SRBD1: variants seen among roughly 807,000 people sequenced by gnomAD.
SRBD1 encodes the protein S1 RNA binding domain 1.
SRBD1 carries 88 observed loss-of-function variants against 115.3 expected under a neutral mutation model. The observed-to-expected ratio is 0.76, with a 90% CI of 0.64 to 0.91. SRBD1 has a LOEUF of 0.91. Ranked by LOEUF, SRBD1 falls within the 40% of genes least tolerant of loss-of-function variation. The pLI is 0.00. For synonymous variants in SRBD1, 509 were observed against 407.7 expected (o/e 1.25, Z -2.99); for missense variants, 1,385 against 1,177.4 (o/e 1.18, Z -2.58).
intron 15 of SRBD1, among the ~76,000 whole-genome samples, chr2:45,484,932 T>C (rs1019004223): frequency 1.3e-5 from 2 of 152,250 alleles, no homozygotes; most frequent in Admixed American, 6.5e-5. Context: ...TTCATTCTTT[T>C]TACGGCTGAA....
At chr2:45,429,109 T>A (rs1668252816) in intron 16 of SRBD1, among the ~76,000 whole-genome samples, 1 of 152,080 alleles carries the variant, frequency 6.6e-6, no homozygotes. Context: ...AAAAGTCGAA[T>A]CCCTGAATAG....
chr2:45,405,196 G>C (rs565117770), intron 19 of SRBD1, among the ~76,000 whole-genome samples: 4 of 152,242 alleles, frequency 2.6e-5, no homozygotes, highest in African/African-American at 7.2e-5. Context: ...TGTATTCCAA[G>C]ATTGCATAAC....
chr2:45,470,727 G>A (rs1047188420), intron 16 of SRBD1, among the ~76,000 whole-genome samples: 1 of 152,176 alleles, frequency 6.6e-6, no homozygotes, highest in Admixed American at 6.5e-5. Flanking sequence ...TCACTCTGGA[G>A]TGTTTTCTTG....
chr2:45,448,885 GAGA>G (rs1311221235), intron 16 of SRBD1, among the ~76,000 whole-genome samples: 5 of 152,156 alleles, frequency 3.3e-5, no homozygotes, highest in Admixed American at 1.3e-4. Flanking sequence ...AATGCACAAA[GAGA>G]AGAAGAAACT....
At chr2:45,569,648 T>C (rs1672949376) in intron 9 of SRBD1, among the ~76,000 whole-genome samples, 1 of 152,198 alleles carries the variant, frequency 6.6e-6, no homozygotes, top group Admixed American at 6.5e-5. Context: ...TGAAAAACAC[T>C]GGCAGTTTCC....
intron 10 of SRBD1, among the ~76,000 whole-genome samples, chr2:45,562,066 A>C (rs1383824616): frequency 6.6e-6 from 1 of 152,242 alleles, no homozygotes; most frequent in Non-Finnish European, 1.5e-5. Flanking sequence ...GTAATGAAGT[A>C]AAACAGTTCT....
chr2:45,440,329 T>C (rs1668625589), intron 16 of SRBD1, among the ~76,000 whole-genome samples: 1 of 152,234 alleles, frequency 6.6e-6, no homozygotes, highest in Non-Finnish European at 1.5e-5. Flanking sequence ...GGTGTTCTTA[T>C]GTCCCCTAGT....
At position 45,585,699 on chromosome 2, in the gene SRBD1, T is replaced by C. The variant is rs200020724; in HGVS notation, c.724A>G (p.Ile242Val). The change falls in exon 5 of 21, where the codon ATT becomes GTT. Residue 242 changes from isoleucine (I) to valine (V), a missense_variant. By Grantham distance (29) the Ile-to-Val change is conservative. Transcript: ENST00000263736. ...TTTCTATAACGTATAATGAAGGGAA[T>C]TGTGTTATCATCATTAAAGAGACGA... is the stretch of plus-strand genomic sequence containing the variant. ...IIRLFNDDNT[I>V]PFIIRYRKEL... is the part of the protein sequence containing the mutation. 290 of 1,612,668 alleles carry C rather than the reference T, an allele frequency of 1.8e-4. 1 individual carries two copies. Among genetic ancestry groups the C allele is most frequent in the South Asian group, 6.3e-4 (57 of 90,802 alleles).
At chr2:45,452,477 C>A (rs1255341707) in intron 16 of SRBD1, among the ~76,000 whole-genome samples, 1 of 151,984 alleles carries the variant, frequency 6.6e-6, no homozygotes, top group Non-Finnish European at 1.5e-5. Flanking sequence ...CAGTACACGT[C>A]TTTAACCTTT....
chr2:45,443,042 A>G (rs1009225842), intron 16 of SRBD1, among the ~76,000 whole-genome samples: 5 of 152,212 alleles, frequency 3.3e-5, no homozygotes, highest in African/African-American at 1.2e-4. Context: ...CTAAGAAATA[A>G]GGCTGGAGAG....
At chr2:45,599,407 G>A in intron 4 of SRBD1, 42 bp downstream of exon 4, 2 of 1,577,254 alleles carry the variant, frequency 1.3e-6, no homozygotes, top group Non-Finnish European at 8.6e-7. Context: ...CAAAAAGAAA[G>A]CACTCAAAAC....
At chr2:45,443,220 T>C (rs1442186370) in intron 16 of SRBD1, among the ~76,000 whole-genome samples, 1 of 152,152 alleles carries the variant, frequency 6.6e-6, no homozygotes, top group African/African-American at 2.4e-5. Context: ...TTTCTCAGTA[T>C]ATCAAGAGGG....
chr2:45,548,315 C>T (rs1672184600), intron 12 of SRBD1, among the ~76,000 whole-genome samples: 1 of 151,700 alleles, frequency 6.6e-6, no homozygotes, highest in African/African-American at 2.4e-5. Flanking sequence ...AAGAGAAAAA[C>T]ATACTTTTAG....
intron 18 of SRBD1, among the ~76,000 whole-genome samples, chr2:45,416,330 A>G (rs1337433310): frequency 6.6e-6 from 1 of 152,182 alleles, no homozygotes; most frequent in Admixed American, 6.5e-5. Flanking sequence ...AAAAAACATT[A>G]AATGTGGTAG....
At chr2:45,589,649 G>A (rs1673652927) in intron 4 of SRBD1, among the ~76,000 whole-genome samples, 1 of 152,212 alleles carries the variant, frequency 6.6e-6, no homozygotes, top group African/African-American at 2.4e-5. Flanking sequence ...CATCATGTAT[G>A]TTATGGGAGT....
At chr2:45,565,257 A>G (rs13313737) in intron 9 of SRBD1, among the ~76,000 whole-genome samples, 9,627 of 152,270 alleles carry the variant, frequency 0.063, 464 homozygotes, top group African/African-American at 0.13. Context: ...ACAGTTATCA[A>G]GACAGTGGGG....
chr2:45,583,720 T>G (rs183871844), intron 5 of SRBD1, among the ~76,000 whole-genome samples: 62 of 152,264 alleles, frequency 4.1e-4, no homozygotes, highest in African/African-American at 1.5e-3. Flanking sequence ...TTATAGAAAA[T>G]GCTGAGCTCA....
intron 9 of SRBD1, among the ~76,000 whole-genome samples, chr2:45,563,760 A>G (rs1672742392): frequency 6.6e-6 from 1 of 152,208 alleles, no homozygotes; most frequent in Middle Eastern, 3.2e-3. Flanking sequence ...AAAGAAACAG[A>G]AAATCTGAAC....
intron 5 of SRBD1, among the ~76,000 whole-genome samples, chr2:45,583,026 A>G (rs978779611): frequency 1.4e-4 from 21 of 152,198 alleles, no homozygotes; most frequent in African/African-American, 4.8e-4. Context: ...CCCACTTTAC[A>G]ACAGGTTTTC....
Sources: gnomAD v4.1 joint callset for allele counts (sites outside exome capture counted in the v4.1 genomes callset) on GRCh38, gnomAD v4.1.1 for gene constraint, MANE v1.5 for transcripts, NCBI Gene and HGNC (gene_info 2026-07-23, HGNC 2026-07-21) for gene names.